RANBP17: variants seen among roughly 807,000 people sequenced by gnomAD.
RANBP17 encodes the protein ran-binding protein 17.
A neutral mutation model predicts 141.2 loss-of-function variants in RANBP17; 158 were observed. The ratio of observed to expected loss-of-function variants is 1.12; its 90% CI spans 0.98 to 1.28. RANBP17 has a LOEUF of 1.28. Among genes scored for constraint, RANBP17 ranks in the 50% most tolerant of loss-of-function variants. The pLI is 0.00. For missense variants in RANBP17, 1,438 were observed against 1,290.7 expected (o/e 1.11, Z -1.75); for synonymous variants, 430 against 450.0 (o/e 0.96, Z 0.56).
At chr5:171,003,976 A>G (rs945513493) in intron 14 of RANBP17, among the ~76,000 whole-genome samples, 33 of 152,228 alleles carry the variant, frequency 2.2e-4, no homozygotes, top group Non-Finnish European at 2.6e-4. Context: ...AATTTGGTTG[A>G]TAAGGCACAG....
chr5:170,864,914 TTA>T (rs1024795564), intron 1 of RANBP17, among the ~76,000 whole-genome samples: 1 of 152,234 alleles, frequency 6.6e-6, no homozygotes, highest in African/African-American at 2.4e-5. Context: ...GTATGGTCTT[TTA>T]TATTCACCAG....
At chr5:171,262,077 A>T (rs1766369108) in intron 24 of RANBP17, among the ~76,000 whole-genome samples, 2 of 152,172 alleles carry the variant, frequency 1.3e-5, no homozygotes, top group South Asian at 4.1e-4. Flanking sequence ...TTCACAGCTG[A>T]CTCAGTAGAT....
At chr5:171,170,064 T>G in intron 14 of RANBP17, 66 bp from the exon 15 acceptor site, 1 of 851,990 alleles carries the variant, frequency 1.2e-6, no homozygotes, top group Non-Finnish European at 1.8e-6. Context: ...GTTTGTTCAA[T>G]TCGAATAGTC....
intron 2 of RANBP17, among the ~76,000 whole-genome samples, chr5:170,880,980 C>G (rs1444328798): frequency 6.6e-6 from 1 of 152,200 alleles, no homozygotes; most frequent in Non-Finnish European, 1.5e-5. Context: ...CTATTCAATT[C>G]TGCCATCGTG....
intron 14 of RANBP17, among the ~76,000 whole-genome samples, chr5:171,033,436 C>T (rs754605551): frequency 5.9e-5 from 9 of 152,042 alleles, no homozygotes; most frequent in African/African-American, 1.9e-4. Context: ...GAAAATCCTA[C>T]GACAGTAGAA....
rs543790687 is a variant in RANBP17 at position 171,271,434 on chromosome 5, G to A, written c.2943+5587G>A. 3.3e-4 allele frequency: 68 copies of A among 208,760 alleles called. No homozygotes were observed. In the Middle Eastern group the frequency reaches 0.011, roughly 33 times the overall value. The allele number at this position is 208,760 out of a possible 1,614,324, so 12.9% of individuals were successfully genotyped here. On this transcript the variant is annotated intron_variant, in intron 25 of 27. Transcript: ENST00000523189. ...ATACTGAGTAGGAGAAAATGCAGTC[G>A]CATATTTAACTGATGTTGAGATTTT...
intron 25 of RANBP17, among the ~76,000 whole-genome samples, chr5:171,290,690 T>C (rs1244377251): frequency 1.3e-5 from 2 of 152,230 alleles, no homozygotes; most frequent in African/African-American, 2.4e-5. Flanking sequence ...ATTTTGGTTG[T>C]ATATGTGTCT....
chr5:171,008,331 G>T (rs1779795791), intron 14 of RANBP17, among the ~76,000 whole-genome samples: 1 of 152,208 alleles, frequency 6.6e-6, no homozygotes, highest in African/African-American at 2.4e-5. Context: ...GAGGTCATAG[G>T]TGGATCTCTT....
rs79413115 is a variant in RANBP17 at position 171,165,943 on chromosome 5, A to G, written c.1711-4187A>G. Among the ~76,000 whole-genome samples the G allele has an allele frequency of 4.8e-3, 727 of 152,332 alleles. 7 individuals are homozygous for G. Among genetic ancestry groups the G allele is most frequent in the African/African-American group, 0.017 (698 of 41,578 alleles). On this transcript the variant is annotated intron_variant, in intron 14 of 27. Coordinates refer to ENST00000523189, the MANE Select transcript of RANBP17 (RefSeq NM_022897.5). ...ATCCCAGATGGGTAGGATTTGGGGT[A>G]TATTATTTCACAGGGGGAAGAATAC...
intron 25 of RANBP17, among the ~76,000 whole-genome samples, chr5:171,270,225 A>T (rs1027114470): frequency 4.6e-5 from 7 of 152,200 alleles, no homozygotes; most frequent in Admixed American, 2.6e-4. Context: ...CAAAATTTTT[A>T]AAAATGTTCT....
At chr5:171,102,064 T>C (rs998068002) in intron 14 of RANBP17, among the ~76,000 whole-genome samples, 3 of 152,204 alleles carry the variant, frequency 2.0e-5, no homozygotes, top group Admixed American at 6.5e-5. Context: ...CTGATGATTA[T>C]GTGTCTTGGG....
At chr5:171,194,755 C>G (rs1399626200) in intron 18 of RANBP17, among the ~76,000 whole-genome samples, 1 of 152,154 alleles carries the variant, frequency 6.6e-6, no homozygotes, top group Non-Finnish European at 1.5e-5. Flanking sequence ...ACTGGCAACT[C>G]TAATTTTTTA....
At chr5:170,975,034 T>G (rs1254817088) in intron 14 of RANBP17, among the ~76,000 whole-genome samples, 1 of 152,132 alleles carries the variant, frequency 6.6e-6, no homozygotes, top group East Asian at 1.9e-4. Context: ...TTTTTCCTTG[T>G]CCCTGCCAGT....
chr5:171,284,410 A>T (rs1768031495), intron 25 of RANBP17: 1 of 152,064 alleles, frequency 6.6e-6, no homozygotes, highest in East Asian at 1.9e-4. Context: ...CTGCAGCCTT[A>T]GCCTCCAGGG....
chr5:171,235,114 A>G (rs897919522), intron 22 of RANBP17, among the ~76,000 whole-genome samples: 2 of 152,214 alleles, frequency 1.3e-5, no homozygotes, highest in African/African-American at 2.4e-5. Flanking sequence ...GTAGTCACCT[A>G]TGACCTATCG....
chr5:170,965,410 C>T (rs1776482202), intron 13 of RANBP17, among the ~76,000 whole-genome samples: 1 of 151,934 alleles, frequency 6.6e-6, no homozygotes, highest in Admixed American at 6.6e-5. Context: ...TAATTAGATC[C>T]CATTTGTCAA....
At chr5:171,062,434 G>T (rs932339939) in intron 14 of RANBP17, among the ~76,000 whole-genome samples, 31 of 152,240 alleles carry the variant, frequency 2.0e-4, no homozygotes, top group African/African-American at 6.5e-4. Flanking sequence ...AGTTTGGCTG[G>T]ATATGAAATT....
chr5:171,260,610 T>G (rs1022863608), intron 24 of RANBP17, among the ~76,000 whole-genome samples: 8 of 152,034 alleles, frequency 5.3e-5, no homozygotes, highest in African/African-American at 1.9e-4. Context: ...AGGGTGACTA[T>G]AGTTAACAAA....
chr5:170,980,265 G>A (rs896300578), intron 14 of RANBP17, among the ~76,000 whole-genome samples: 2 of 152,204 alleles, frequency 1.3e-5, no homozygotes, highest in Admixed American at 6.5e-5. Flanking sequence ...TGGAAAATTT[G>A]TAGCCTGACA....
Sources: gnomAD v4.1 joint callset for allele counts (sites outside exome capture counted in the v4.1 genomes callset) on GRCh38, gnomAD v4.1.1 for gene constraint, MANE v1.5 for transcripts, NCBI Gene and HGNC (gene_info 2026-07-23, HGNC 2026-07-21) for gene names.